SLC71A1: variants seen among roughly 807,000 people sequenced by gnomAD.
SLC71A1 encodes solute carrier family 71 member 1, also known as hippocampus abundant gene transcript 1.
At chr1:100,039,702 T>C in the SLC71A1 span, among the ~76,000 whole-genome samples, 2 of 152,220 alleles carry the variant, frequency 1.3e-5, no homozygotes, top group Non-Finnish European at 2.9e-5. Flanking sequence ...AGAGACAATA[T>C]TTTACATTCT....
At chr1:100,045,244 G>GT in the SLC71A1 span, among the ~76,000 whole-genome samples, 15 of 151,412 alleles carry the variant, frequency 9.9e-5, no homozygotes, top group East Asian at 5.8e-4. Context: ...TAGGTGTTTT[G>GT]TTTTTTTTGC....
chr1:100,061,955 T>G, the SLC71A1 span: 1 of 1,490,466 alleles, frequency 6.7e-7, no homozygotes, highest in Non-Finnish European at 9.4e-7. Flanking sequence ...GACTGGTATG[T>G]ATGTTTATTC....
the SLC71A1 span, chr1:100,083,017 T>TATC: frequency 6.6e-6 from 1 of 152,568 alleles, no homozygotes; most frequent in African/African-American, 2.4e-5. Context: ...GTCAGTGTGA[T>TATC]ATCTATTATG....
chr1:100,038,934 GCCTAC>G, the SLC71A1 span, among the ~76,000 whole-genome samples: 4 of 152,228 alleles, frequency 2.6e-5, no homozygotes, highest in Non-Finnish European at 4.4e-5. Flanking sequence ...GACACCTGGG[GCCTAC>G]ATTCGAACCT....
chr1:100,077,244 A>G, the SLC71A1 span: 1 of 1,586,226 alleles, frequency 6.3e-7, no homozygotes, highest in Non-Finnish European at 8.6e-7. Flanking sequence ...CAAATATTAC[A>G]GTTGGCATGG....
At chr1:100,074,363 T>G in the SLC71A1 span, among the ~76,000 whole-genome samples, 1 of 151,708 alleles carries the variant, frequency 6.6e-6, no homozygotes, top group African/African-American at 2.4e-5. Flanking sequence ...TCACCTGAGG[T>G]CAGGAGTTCG....
the SLC71A1 span, among the ~76,000 whole-genome samples, chr1:100,065,523 CT>C: frequency 7.2e-6 from 1 of 138,752 alleles, no homozygotes; most frequent in East Asian, 2.4e-4. Flanking sequence ...TTCACTTTCA[CT>C]TTCCCCTTTC....
the SLC71A1 span, among the ~76,000 whole-genome samples, chr1:100,048,049 A>G: frequency 6.6e-6 from 1 of 152,088 alleles, no homozygotes; most frequent in Non-Finnish European, 1.5e-5. Flanking sequence ...TATACATGTT[A>G]TATCCTACTT....
the SLC71A1 span, among the ~76,000 whole-genome samples, chr1:100,048,786 T>C: frequency 6.6e-6 from 1 of 152,188 alleles, no homozygotes; most frequent in Non-Finnish European, 1.5e-5. Context: ...GATATCACAT[T>C]TGCTGCTAAT....
chr1:100,051,262 G>A, the SLC71A1 span, among the ~76,000 whole-genome samples: 184 of 151,570 alleles, frequency 1.2e-3, no homozygotes, highest in Non-Finnish European at 1.6e-3. Flanking sequence ...GTGGTGGTAC[G>A]CACCTGTAAT....
At chr1:100,069,303 G>A in the SLC71A1 span, among the ~76,000 whole-genome samples, 1 of 152,160 alleles carries the variant, frequency 6.6e-6, no homozygotes, top group African/African-American at 2.4e-5. Context: ...CTCACTAGAC[G>A]GAGATCAAGC....
chr1:100,042,192 G>A, the SLC71A1 span, among the ~76,000 whole-genome samples: 1 of 152,112 alleles, frequency 6.6e-6, no homozygotes, highest in African/African-American at 2.4e-5. Context: ...CCATACAATT[G>A]TGGAACTACA....
At chr1:100,040,803 CTGT>C in the SLC71A1 span, among the ~76,000 whole-genome samples, 4 of 152,212 alleles carry the variant, frequency 2.6e-5, no homozygotes, top group Admixed American at 6.5e-5. Flanking sequence ...ATTTGATACT[CTGT>C]TGTTGTGTGT....
At chr1:100,053,663 A>AT in the SLC71A1 span, among the ~76,000 whole-genome samples, 1 of 152,088 alleles carries the variant, frequency 6.6e-6, no homozygotes, top group Non-Finnish European at 1.5e-5. Context: ...TAATTTCTTA[A>AT]TTTTTAAAAC....
chr1:100,072,437 T>C, the SLC71A1 span, among the ~76,000 whole-genome samples: 3 of 152,310 alleles, frequency 2.0e-5, no homozygotes, highest in Middle Eastern at 0.01. Context: ...TTTATCTCTG[T>C]TTATTGCCTT....
the SLC71A1 span, among the ~76,000 whole-genome samples, chr1:100,043,602 A>T: frequency 6.6e-6 from 1 of 152,194 alleles, no homozygotes; most frequent in African/African-American, 2.4e-5. Context: ...TTTGGGGTAC[A>T]GGTGGGTTTT....
chr1:100,078,392 T>C, the SLC71A1 span: 1 of 1,098,080 alleles, frequency 9.1e-7, no homozygotes, highest in Non-Finnish European at 1.4e-6. Flanking sequence ...TTATGTAGTT[T>C]GACTTTCAGG....
chr1:100,059,089 A>G, the SLC71A1 span, among the ~76,000 whole-genome samples: 1 of 147,200 alleles, frequency 6.8e-6, no homozygotes, highest in Non-Finnish European at 1.5e-5. Flanking sequence ...ATAAAACTGT[A>G]TCAGTAGGGT....
the SLC71A1 span, chr1:100,078,381 A>T: frequency 1.0e-6 from 1 of 978,634 alleles, no homozygotes; most frequent in Non-Finnish European, 1.6e-6. Context: ...GAATTACTTA[A>T]TTATGTAGTT....
Sources: allele counts gnomAD v4.1 joint callset (sites outside exome capture counted in the v4.1 genomes callset), GRCh38; gene constraint gnomAD v4.1.1; transcripts MANE v1.5; gene names NCBI Gene and HGNC (gene_info 2026-07-23, HGNC 2026-07-21).